Variants in GPC6 observed in about 807,000 individuals in gnomAD.
The protein encoded by GPC6 is glypican 6.
In GPC6, 14 loss-of-function variants were observed where a neutral mutation model predicts 55.2. That is an observed-to-expected ratio of 0.25 (90% CI 0.17 to 0.40). The LOEUF is 0.40. Among genes scored for constraint, GPC6 ranks in the 10% least tolerant of loss-of-function variants. GPC6 has a pLI of 1.00. For synonymous variants in GPC6, 278 were observed against 259.6 expected (o/e 1.07, Z -0.68); for missense variants, 641 against 708.5 (o/e 0.90, Z 1.08).
At position 93,552,050 on chromosome 13, in the gene GPC6, G is replaced by A. The variant is rs1157976306; in HGVS notation, c.319+6629G>A. ...ATTATAGGTAACTGCAATTCATAGG[G>A]CTTATAATGTTAATCATTCTAGGAA... On this transcript the variant is annotated intron_variant, in intron 2 of 8. Transcript: ENST00000377047. Among the ~76,000 whole-genome samples, 7 of 152,234 alleles carry A rather than the reference G, an allele frequency of 4.6e-5. No homozygotes were observed. In the East Asian group the frequency reaches 1.4e-3, roughly 29 times the overall value.
At chr13:93,861,101 G>T (rs1367529476) in intron 3 of GPC6, among the ~76,000 whole-genome samples, 11 of 151,338 alleles carry the variant, frequency 7.3e-5, no homozygotes, top group African/African-American at 2.7e-4. Flanking sequence ...GTAGATCCGT[G>T]TAAACCCCTT....
chr13:94,300,920 A>G (rs1261271696), intron 5 of GPC6, among the ~76,000 whole-genome samples: 1 of 152,204 alleles, frequency 6.6e-6, no homozygotes, highest in Non-Finnish European at 1.5e-5. Flanking sequence ...AGGAGGGTGG[A>G]ACAGCTTCAC....
intron 4 of GPC6, among the ~76,000 whole-genome samples, chr13:94,070,107 G>A (rs1884670722): frequency 6.6e-6 from 1 of 152,218 alleles, no homozygotes; most frequent in African/African-American, 2.4e-5. Flanking sequence ...CCACATGGCT[G>A]CAGAGGCCTC....
In GPC6 at chr13:94,381,114, C is replaced by T. The variant is rs1389532832; in HGVS notation, c.1153-1300C>T. Among the ~76,000 whole-genome samples the T allele has an allele frequency of 2.6e-5, 4 of 152,298 alleles. No individual in the cohort carries two copies. In the East Asian group the frequency reaches 7.7e-4, roughly 29 times the overall value. On this transcript the variant is annotated intron_variant, in intron 6 of 8. Transcript: ENST00000377047. ...AAGGTGGCAGCCTGCCAAGTTTCCACACTGTAAAATTACTAGTTTTCCTTT... is the reference window on the plus strand; with the variant it reads ...AAGGTGGCAGCCTGCCAAGTTTCCATACTGTAAAATTACTAGTTTTCCTTT...
intron 1 of GPC6, among the ~76,000 whole-genome samples, chr13:93,349,249 G>T (rs1398654559): frequency 3.0e-5 from 4 of 134,834 alleles, no homozygotes; most frequent in Non-Finnish European, 6.2e-5. Context: ...TAGTCTCCCA[G>T]AACATGTTAG....
intron 1 of GPC6, among the ~76,000 whole-genome samples, chr13:93,324,629 T>C (rs1039992409): frequency 1.5e-5 from 2 of 136,938 alleles, no homozygotes; most frequent in African/African-American, 5.9e-5. Flanking sequence ...CTGAGCAGCC[T>C]AGACAACAAA....
intron 2 of GPC6, among the ~76,000 whole-genome samples, chr13:93,557,719 T>A (rs1278099355): frequency 6.6e-6 from 1 of 152,170 alleles, no homozygotes; most frequent in Admixed American, 6.5e-5. Context: ...TTCCACGACT[T>A]AGCTTCTGTC....
At chr13:93,689,617 G>T (rs934036253) in intron 2 of GPC6, among the ~76,000 whole-genome samples, 1 of 152,050 alleles carries the variant, frequency 6.6e-6, no homozygotes, top group African/African-American at 2.4e-5. Flanking sequence ...TTTGTAAATT[G>T]TATGTATATG....
At chr13:93,355,697 A>G (rs924548094) in intron 1 of GPC6, among the ~76,000 whole-genome samples, 11 of 152,182 alleles carry the variant, frequency 7.2e-5, no homozygotes, top group African/African-American at 2.7e-4. Flanking sequence ...TAAGAAAATA[A>G]TTGTGCAGCA....
intron 1 of GPC6, among the ~76,000 whole-genome samples, chr13:93,321,509 G>A (rs549498707): frequency 2.6e-5 from 4 of 152,034 alleles, no homozygotes; most frequent in Admixed American, 1.3e-4. Context: ...TGATTCCAGC[G>A]TCAAATATAC....
At chr13:93,928,027 G>T (rs1190018935) in intron 3 of GPC6, among the ~76,000 whole-genome samples, 2 of 152,126 alleles carry the variant, frequency 1.3e-5, no homozygotes, top group Non-Finnish European at 1.5e-5. Context: ...TGGGCAATTA[G>T]TGGAATTTGG....
chr13:93,225,779 A>C (rs561011059), upstream of GPC6, among the ~76,000 whole-genome samples: 2 of 152,234 alleles, frequency 1.3e-5, no homozygotes, highest in Non-Finnish European at 2.9e-5. Flanking sequence ...AAACATCTTC[A>C]TGTGTAGCTT....
At chr13:93,444,612 A>AAAC (rs553498599) in intron 1 of GPC6, among the ~76,000 whole-genome samples, 12 of 152,246 alleles carry the variant, frequency 7.9e-5, no homozygotes, top group East Asian at 3.9e-4. Context: ...ATCTCAAAAC[A>AAAC]AACAACAACA....
chr13:94,163,793 A>G lies in GPC6; in HGVS notation c.878-122556A>G, dbSNP rs562364660. ...CTTGGAAAGGCATTGCATAATCTTA[A>G]TTTTCTTAAAATTGGAGGCAGGATT... is the stretch of plus-strand genomic sequence containing the variant. On this transcript the variant is annotated intron_variant, in intron 4 of 8. Coordinates refer to ENST00000377047, the MANE Select transcript of GPC6 (RefSeq NM_005708.5). Among the ~76,000 whole-genome samples, 19 of 152,294 alleles carry G rather than the reference A, an allele frequency of 1.2e-4. 1 individual carries two copies. Among genetic ancestry groups the G allele is most frequent in the African/African-American group, 4.1e-4 (17 of 41,566 alleles).
chr13:94,302,629 C>G (rs757513079), intron 5 of GPC6, among the ~76,000 whole-genome samples: 1 of 152,176 alleles, frequency 6.6e-6, no homozygotes, highest in Admixed American at 6.5e-5. Context: ...GCAAAAACAA[C>G]GGCAAAGTAC....
intron 4 of GPC6, among the ~76,000 whole-genome samples, chr13:94,054,322 G>A (rs953198741): frequency 1.3e-5 from 2 of 152,164 alleles, no homozygotes; most frequent in Non-Finnish European, 2.9e-5. Flanking sequence ...CAGCCTCTGT[G>A]CCAGCAGAGC....
At chr13:93,284,977 A>C (rs1878063088) in intron 1 of GPC6, among the ~76,000 whole-genome samples, 1 of 152,166 alleles carries the variant, frequency 6.6e-6, no homozygotes, top group African/African-American at 2.4e-5. Flanking sequence ...TTAACTAAGT[A>C]AAGAGGGAGT....
chr13:94,329,407 C>T (rs1877294799), intron 6 of GPC6, among the ~76,000 whole-genome samples: 2 of 152,140 alleles, frequency 1.3e-5, no homozygotes, highest in African/African-American at 4.8e-5. Flanking sequence ...ATCTGTGCCT[C>T]GCAGTACCGT....
At chr13:94,115,085 A>G (rs1396545089) in intron 4 of GPC6, among the ~76,000 whole-genome samples, 1 of 152,142 alleles carries the variant, frequency 6.6e-6, no homozygotes, top group Non-Finnish European at 1.5e-5. Flanking sequence ...ATTTTATCTG[A>G]TTTCAACTGA....
Sources: gnomAD v4.1 joint callset for allele counts (sites outside exome capture counted in the v4.1 genomes callset) on GRCh38, gnomAD v4.1.1 for gene constraint, MANE v1.5 for transcripts, NCBI Gene and HGNC (gene_info 2026-07-23, HGNC 2026-07-21) for gene names.